Variants in EXOC6 observed in about 807,000 individuals in gnomAD.
EXOC6 encodes the protein exocyst complex component 6.
Under a neutral mutation model 112.5 loss-of-function variants are expected in EXOC6, and 60 were observed. The observed-to-expected ratio is 0.53, with a 90% CI of 0.43 to 0.66. The LOEUF is 0.66. Ranked by LOEUF, EXOC6 falls within the 30% of genes least tolerant of loss-of-function variation. EXOC6 has a pLI of 0.00. For missense variants in EXOC6, 855 were observed against 957.1 expected (o/e 0.89, Z 1.41); for synonymous variants, 295 against 308.0 (o/e 0.96, Z 0.44).
At chr10:92,867,845 A>G (rs1250978413) in intron 1 of EXOC6, among the ~76,000 whole-genome samples, 1 of 152,094 alleles carries the variant, frequency 6.6e-6, no homozygotes, top group Non-Finnish European at 1.5e-5. Flanking sequence ...ATATATCTGC[A>G]TTTTTTTGGA....
At chr10:92,928,229 T>C in intron 8 of EXOC6, 110 bp from the exon 9 acceptor site, 2 of 588,372 alleles carry the variant, frequency 3.4e-6, no homozygotes, top group South Asian at 5.0e-5. Context: ...CTATTAAACA[T>C]TTACATTCTA....
At chr10:93,008,018 A>G (rs1320979517) in intron 19 of EXOC6, among the ~76,000 whole-genome samples, 3 of 152,124 alleles carry the variant, frequency 2.0e-5, no homozygotes, top group Admixed American at 1.3e-4. Flanking sequence ...TTCTAAAAAT[A>G]CAAAATTAGC....
At chr10:92,994,350 A>G (rs371096316) in intron 18 of EXOC6, among the ~76,000 whole-genome samples, 39 of 152,318 alleles carry the variant, frequency 2.6e-4, no homozygotes, top group East Asian at 2.5e-3. Context: ...TGCAAAAAGG[A>G]TCTAATATGT....
In EXOC6 at chr10:93,043,912, G is replaced by A. The variant is rs556542623; in HGVS notation, c.2170-13012G>A. 2.0e-5 allele frequency among the ~76,000 whole-genome samples: 3 copies of A among 152,316 alleles called. No individual in the cohort carries two copies. The South Asian group carries it at 6.2e-4, about 32-fold the overall frequency. On this transcript the variant is annotated intron_variant, in intron 20 of 21. Transcript: ENST00000260762. ...CCAGTAGCTGCTTCTTAACTGAGCT[G>A]CATCTTAAAGTTCATCTGTTGCCCA... is the stretch of plus-strand genomic sequence containing the variant.
chr10:93,018,427 T>A lies in EXOC6; in HGVS notation c.2169+4160T>A, dbSNP rs551541696. On this transcript the variant is annotated intron_variant, in intron 20 of 21. Coordinates refer to ENST00000260762, the MANE Select transcript of EXOC6 (RefSeq NM_019053.6). ...TATACAAAAAAGTAGAAAAATTTAC[T>A]CATAGTCTTTCTACCCAAACACATC... Among the ~76,000 whole-genome samples the A allele has an allele frequency of 1.6e-4, 25 of 152,298 alleles. 1 individual carries two copies. The South Asian group carries it at 5.0e-3, about 30-fold the overall frequency.
chr10:92,968,774 CTG>C (rs1194175226), intron 17 of EXOC6, among the ~76,000 whole-genome samples: 1 of 152,126 alleles, frequency 6.6e-6, no homozygotes, highest in East Asian at 1.9e-4. Context: ...CAAAACAGCC[CTG>C]TGAGATGGGG....
intron 17 of EXOC6, among the ~76,000 whole-genome samples, chr10:92,962,134 A>G (rs1162379582): frequency 1.3e-5 from 2 of 152,186 alleles, no homozygotes; most frequent in East Asian, 3.8e-4. Flanking sequence ...TGAGGTAATT[A>G]GCAGGTGGCT....
chr10:93,014,406 A>T (rs1844406939), intron 20 of EXOC6, 139 bp downstream of exon 20: 2 of 666,446 alleles, frequency 3.0e-6, no homozygotes, highest in Non-Finnish European at 5.4e-6. Flanking sequence ...CTTGGTAACT[A>T]TGTATTTGGC....
intron 7 of EXOC6, among the ~76,000 whole-genome samples, chr10:92,916,922 C>G (rs563222027): frequency 1.3e-5 from 2 of 151,416 alleles, no homozygotes; most frequent in Non-Finnish European, 2.9e-5. Flanking sequence ...TCCTAAATCT[C>G]TGGTAGTGGA....
rs148792553 is a variant in EXOC6 at position 92,942,153 on chromosome 10, G to A, written c.1310+1329G>A. Among the ~76,000 whole-genome samples, 1,463 of 152,284 alleles carry A rather than the reference G, an allele frequency of 9.6e-3. 12 individuals carry two copies. The highest frequency in any genetic ancestry group is 0.068 in the Middle Eastern group (20 of 294). Reference sequence around the variant, plus strand: ...TGCCTGTAATCCCAGCACTTTGGGAGGCCAAGATGGGAGGATCTCTTGAGG... The same window carrying A: ...TGCCTGTAATCCCAGCACTTTGGGAAGCCAAGATGGGAGGATCTCTTGAGG... On this transcript the variant is annotated intron_variant, in intron 13 of 21. Coordinates refer to ENST00000260762, the MANE Select transcript of EXOC6 (RefSeq NM_019053.6).
intron 14 of EXOC6, among the ~76,000 whole-genome samples, 186 bp downstream of exon 14, chr10:92,948,565 A>G (rs913938054): frequency 1.5e-5 from 2 of 132,710 alleles, no homozygotes; most frequent in African/African-American, 5.8e-5. Context: ...TACTACTACT[A>G]CTACTACCAC....
chr10:92,916,171 A>G (rs147920325), intron 7 of EXOC6: 2 of 293,804 alleles, frequency 6.8e-6, no homozygotes, highest in Admixed American at 1.2e-4. Flanking sequence ...AGCTTACTGC[A>G]TCAGCCCTAC....
At chr10:93,009,761 TTGG>T (rs1455462665) in intron 19 of EXOC6, among the ~76,000 whole-genome samples, 1 of 152,120 alleles carries the variant, frequency 6.6e-6, no homozygotes, top group African/African-American at 2.4e-5. Context: ...TACAGGTAGT[TTGG>T]TGTGGTATAG....
chr10:93,016,270 A>T (rs1189987539), intron 20 of EXOC6, among the ~76,000 whole-genome samples: 1 of 150,906 alleles, frequency 6.6e-6, no homozygotes, highest in Non-Finnish European at 1.5e-5. Flanking sequence ...AGTAGCTGGG[A>T]CTACAGACAC....
At chr10:92,952,497 A>G (rs547552387) in intron 15 of EXOC6, 115 bp downstream of exon 15, 2 of 705,598 alleles carry the variant, frequency 2.8e-6, no homozygotes, top group East Asian at 5.5e-5. Flanking sequence ...CATGGGGTAC[A>G]TGTTTGTTAT....
chr10:92,884,818 A>G (rs547365413), intron 1 of EXOC6, among the ~76,000 whole-genome samples: 17 of 152,168 alleles, frequency 1.1e-4, no homozygotes, highest in Non-Finnish European at 1.8e-4. Flanking sequence ...ATAAAAAGTG[A>G]TGAGTTTTTT....
chr10:92,851,561 A>C (rs920910234), intron 1 of EXOC6, among the ~76,000 whole-genome samples: 3 of 152,092 alleles, frequency 2.0e-5, no homozygotes, highest in Non-Finnish European at 4.4e-5. Context: ...GAGGCAGGAG[A>C]ATCGCTTGAA....
chr10:92,849,402 G>A (rs541695811), intron 1 of EXOC6, among the ~76,000 whole-genome samples: 3 of 152,278 alleles, frequency 2.0e-5, no homozygotes, highest in Admixed American at 2.0e-4. Flanking sequence ...AATAGTACTA[G>A]GTAATGCATA....
chr10:92,941,815 C>T (rs1274473632), intron 13 of EXOC6, among the ~76,000 whole-genome samples: 1 of 152,130 alleles, frequency 6.6e-6, no homozygotes, highest in Non-Finnish European at 1.5e-5. Context: ...TTTTTAGTGA[C>T]ATGAGAAGAG....
Sources: allele counts gnomAD v4.1 joint callset (sites outside exome capture counted in the v4.1 genomes callset), GRCh38; gene constraint gnomAD v4.1.1; transcripts MANE v1.5; gene names NCBI Gene and HGNC (gene_info 2026-07-23, HGNC 2026-07-21).